Variants in SDCCAG8 observed in about 807,000 individuals in gnomAD.
SDCCAG8 encodes the protein serologically defined colon cancer antigen 8.
In SDCCAG8, 74 loss-of-function variants were observed where a neutral mutation model predicts 101.8. That is an observed-to-expected ratio of 0.73 (90% CI 0.60 to 0.88). The LOEUF (loss-of-function observed/expected upper bound fraction) is 0.88. Among genes scored for constraint, SDCCAG8 ranks in the 40% least tolerant of loss-of-function variants. The pLI, the probability that SDCCAG8 is intolerant of heterozygous loss-of-function variation, is 0.00. For missense variants in SDCCAG8, 787 were observed against 822.6 expected (o/e 0.96, Z 0.53); for synonymous variants, 281 against 292.9 (o/e 0.96, Z 0.41).
chr1:243,256,108 T>A lies in SDCCAG8; in HGVS notation c.-66T>A. 1.3e-6 allele frequency: 2 copies of A among 1,501,104 alleles called. No individual in the cohort carries two copies. Among genetic ancestry groups the A allele is most frequent in the Non-Finnish European group, 9.3e-7 (1 of 1,077,118 alleles). 93.0% of individuals were successfully genotyped at this position (1,501,104 alleles called of 1,614,324 possible). A position where few individuals can be genotyped will look rare whatever the true frequency, so the allele number is the denominator to read the frequency against. Reference sequence around the variant, plus strand: ...GCGCTCCCCGGCCACAGGCCTGTTGTTCTCGGAAGGGAGAAAGCTGGACAT... The same window carrying A: ...GCGCTCCCCGGCCACAGGCCTGTTGATCTCGGAAGGGAGAAAGCTGGACAT... On this transcript the variant is annotated 5_prime_UTR_variant, in exon 1 of 18. Coordinates refer to ENST00000366541, the MANE Select transcript of SDCCAG8 (RefSeq NM_006642.5).
intron 10 of SDCCAG8, among the ~76,000 whole-genome samples, chr1:243,337,244 G>A (rs2075071992): frequency 2.0e-5 from 3 of 152,144 alleles, no homozygotes; most frequent in Admixed American, 1.3e-4. Flanking sequence ...AGCTATCCTA[G>A]CACCATTTAT....
At chr1:243,261,692 T>C (rs1313825161) in intron 1 of SDCCAG8, among the ~76,000 whole-genome samples, 1 of 152,186 alleles carries the variant, frequency 6.6e-6, no homozygotes, top group African/African-American at 2.4e-5. Flanking sequence ...ATAAAACTTG[T>C]ATTTCTTTTT....
chr1:243,446,904 G>A (rs2082949619), intron 16 of SDCCAG8, among the ~76,000 whole-genome samples: 1 of 152,112 alleles, frequency 6.6e-6, no homozygotes, highest in Non-Finnish European at 1.5e-5. Flanking sequence ...TTAGGAGACT[G>A]TATGGCTGAA....
chr1:243,342,685 C>T (rs1573435586), intron 11 of SDCCAG8, among the ~76,000 whole-genome samples: 1 of 152,150 alleles, frequency 6.6e-6, no homozygotes, highest in Admixed American at 6.5e-5. Flanking sequence ...TAAAGTATGG[C>T]TCCTCATTTT....
chr1:243,488,024 A>C (rs1665401413), intron 16 of SDCCAG8: 1 of 152,462 alleles, frequency 6.6e-6, no homozygotes, highest in Non-Finnish European at 1.5e-5. Context: ...GCAGCGCCGG[A>C]GGCAGGTACC....
chr1:243,421,985 C>T (rs542712712), intron 15 of SDCCAG8, among the ~76,000 whole-genome samples: 71 of 152,168 alleles, frequency 4.7e-4, no homozygotes, highest in Non-Finnish European at 6.0e-4. Context: ...TATCTAACAC[C>T]TGGCCTGGGA....
intron 4 of SDCCAG8, among the ~76,000 whole-genome samples, chr1:243,281,349 T>C (rs1377390809): frequency 1.3e-5 from 2 of 150,412 alleles, no homozygotes; most frequent in African/African-American, 2.4e-5. Context: ...TTGCTCAGGC[T>C]GGTCTTGAAC....
intron 16 of SDCCAG8, among the ~76,000 whole-genome samples, chr1:243,478,772 C>G (rs1489755211): frequency 6.6e-6 from 1 of 151,934 alleles, no homozygotes; most frequent in Non-Finnish European, 1.5e-5. Context: ...TCCTGGCCAA[C>G]GTGGTTAAAC....
intron 16 of SDCCAG8, among the ~76,000 whole-genome samples, chr1:243,449,104 G>A (rs980409015): frequency 1.3e-5 from 2 of 152,212 alleles, no homozygotes; most frequent in South Asian, 2.1e-4. Flanking sequence ...CACTCAGTAA[G>A]TGTTAATCAC....
At chr1:243,433,433 A>G (rs1329109014) in intron 16 of SDCCAG8, among the ~76,000 whole-genome samples, 1 of 151,824 alleles carries the variant, frequency 6.6e-6, no homozygotes, top group Non-Finnish European at 1.5e-5. Flanking sequence ...GGGCTGGCCT[A>G]AGTATTGCAA....
chr1:243,450,282 G>A (rs964591947), intron 16 of SDCCAG8, among the ~76,000 whole-genome samples: 2 of 152,166 alleles, frequency 1.3e-5, no homozygotes, highest in Non-Finnish European at 2.9e-5. Context: ...AAGTTGTTAG[G>A]TAATGGTTAG....
In SDCCAG8 at chr1:243,442,544, C is replaced by T. The variant is rs558952652; in HGVS notation, c.1985+15986C>T. 2.4e-4 allele frequency among the ~76,000 whole-genome samples: 37 copies of T among 151,974 alleles called. No individual in the cohort carries two copies. In the South Asian group the frequency reaches 7.3e-3, roughly 30 times the overall value. On this transcript the variant is annotated intron_variant, in intron 16 of 17. Transcript: ENST00000366541. ...CATGACACAGTGCCTCTGGATTTTACGTCAGTTCTGCCTTCAGTGTAAAGC... is the reference window on the plus strand; with the variant it reads ...CATGACACAGTGCCTCTGGATTTTATGTCAGTTCTGCCTTCAGTGTAAAGC...
At chr1:243,308,260 A>G (rs1007642239) in intron 8 of SDCCAG8, 83 bp downstream of exon 8, 13 of 1,343,710 alleles carry the variant, frequency 9.7e-6, no homozygotes, top group African/African-American at 2.9e-5. Flanking sequence ...TTCTAGCCCT[A>G]TGCTAAGTCA....
intron 16 of SDCCAG8, among the ~76,000 whole-genome samples, chr1:243,487,571 A>C (rs887381987): frequency 9.8e-5 from 15 of 152,346 alleles, no homozygotes; most frequent in African/African-American, 3.4e-4. Flanking sequence ...TCCTGGAGGC[A>C]GGGCAGGGCC....
intron 9 of SDCCAG8, 59 bp from the exon 10 acceptor site, chr1:243,330,481 T>C (rs1232340958): frequency 6.4e-7 from 1 of 1,557,914 alleles, no homozygotes; most frequent in African/African-American, 1.4e-5. Context: ...AATTATGTCA[T>C]TTTACCTATA....
intron 6 of SDCCAG8, among the ~76,000 whole-genome samples, chr1:243,295,239 G>C (rs553367908): frequency 5.3e-5 from 8 of 151,798 alleles, no homozygotes; most frequent in African/African-American, 1.9e-4. Context: ...TTTGTTTTTT[G>C]TTTCTTGTTT....
At chr1:243,450,216 G>A (rs1190851571) in intron 16 of SDCCAG8, among the ~76,000 whole-genome samples, 2 of 152,168 alleles carry the variant, frequency 1.3e-5, no homozygotes, top group African/African-American at 2.4e-5. Flanking sequence ...CCCAGTGTAT[G>A]GAAGTGTATT....
intron 16 of SDCCAG8, among the ~76,000 whole-genome samples, chr1:243,487,058 G>A (rs561661304): frequency 2.6e-5 from 4 of 152,338 alleles, no homozygotes; most frequent in Admixed American, 2.0e-4. Flanking sequence ...AAATACGGAA[G>A]CATCAGATTG....
intron 16 of SDCCAG8, among the ~76,000 whole-genome samples, chr1:243,467,467 A>G (rs1324523773): frequency 6.6e-6 from 1 of 152,218 alleles, no homozygotes; most frequent in Non-Finnish European, 1.5e-5. Flanking sequence ...CAGATACAAG[A>G]GGAGAGTTCA....
Sources: allele counts gnomAD v4.1 joint callset (sites outside exome capture counted in the v4.1 genomes callset), GRCh38; gene constraint gnomAD v4.1.1; transcripts MANE v1.5; gene names NCBI Gene and HGNC (gene_info 2026-07-23, HGNC 2026-07-21).